GBE1: variants seen among roughly 807,000 people sequenced by gnomAD.
GBE1 encodes the protein 1,4-alpha-glucan branching enzyme 1.
A neutral mutation model predicts 88.8 loss-of-function variants in GBE1; 70 were observed. The ratio of observed to expected loss-of-function variants is 0.79; its 90% CI spans 0.65 to 0.96. The LOEUF (loss-of-function observed/expected upper bound fraction) is 0.96. Ranked by LOEUF, GBE1 falls within the 40% of genes least tolerant of loss-of-function variation. The pLI, the probability that GBE1 is intolerant of heterozygous loss-of-function variation, is 0.00. For missense variants in GBE1, 872 were observed against 871.0 expected (o/e 1.00, Z -0.01); for synonymous variants, 284 against 300.1 (o/e 0.95, Z 0.56).
chr3:81,671,875 C>T (rs181438158), intron 2 of GBE1, among the ~76,000 whole-genome samples: 2 of 151,844 alleles, frequency 1.3e-5, no homozygotes, highest in African/African-American at 4.8e-5. Flanking sequence ...ACAAGACAAG[C>T]TATAAATTGG....
chr3:81,502,170 C>CA (rs966717956), intron 14 of GBE1, among the ~76,000 whole-genome samples: 7 of 151,888 alleles, frequency 4.6e-5, no homozygotes, highest in African/African-American at 1.7e-4. Context: ...CTTCACACAC[C>CA]AAAAAATGCA....
intron 1 of GBE1, among the ~76,000 whole-genome samples, chr3:81,737,402 T>TA: frequency 3.1e-5 from 1 of 32,726 alleles, no homozygotes; most frequent in South Asian, 5.6e-4. Flanking sequence ...TATAAATATA[T>TA]TTTTATATAT....
chr3:81,505,517 G>T (rs1576123811), intron 14 of GBE1, among the ~76,000 whole-genome samples: 1 of 152,018 alleles, frequency 6.6e-6, no homozygotes, highest in East Asian at 1.9e-4. Flanking sequence ...AAAACCTAAG[G>T]TTATAGCTAT....
intron 1 of GBE1, 93 bp from the exon 2 acceptor site, chr3:81,705,706 G>A: frequency 2.6e-5 from 18 of 702,648 alleles, no homozygotes; most frequent in South Asian, 1.3e-4. Flanking sequence ...TCTTATTCAG[G>A]GAAAAAAAGA....
chr3:81,501,587 T>C (rs1203722475), intron 14 of GBE1, among the ~76,000 whole-genome samples: 1 of 151,966 alleles, frequency 6.6e-6, no homozygotes, highest in Non-Finnish European at 1.5e-5. Context: ...ATGAACACTT[T>C]CATTTTAGTC....
intron 7 of GBE1, among the ~76,000 whole-genome samples, chr3:81,641,795 T>C (rs1704682482): frequency 1.3e-5 from 2 of 151,842 alleles, no homozygotes; most frequent in Non-Finnish European, 2.9e-5. Flanking sequence ...TATAAAATTA[T>C]TTGCTGAGAC....
rs780431086 is a variant in GBE1, at chr3:81,593,953, G to A, written c.1063C>T (p.Arg355Cys). ...AGCATGGACGTAACACCATCAAAAC[G>A]AAATCCATCAAAGCGATATTCTTCC... ...WLEEYRFDGF[R>C]FDGVTSMLYH... Residue 355 changes from arginine to cysteine, a missense_variant, in exon 8 of 16, where the codon CGT becomes TGT. Coordinates refer to ENST00000429644, the MANE Select transcript of GBE1 (RefSeq NM_000158.4). The A allele has an allele frequency of 2.1e-5, 34 of 1,585,606 alleles. No individual in the cohort carries two copies. Among genetic ancestry groups the A allele is most frequent in the Admixed American group, 1.1e-4 (6 of 56,316 alleles).
intron 14 of GBE1, among the ~76,000 whole-genome samples, chr3:81,505,335 T>TA (rs1702639714): frequency 6.6e-6 from 1 of 152,340 alleles, no homozygotes; most frequent in African/African-American, 2.4e-5. Flanking sequence ...AATGGAAATG[T>TA]AAACAAATGT....
At chr3:81,597,482 AATAT>A (rs60557493) in intron 7 of GBE1, among the ~76,000 whole-genome samples, 2,077 of 137,766 alleles carry the variant, frequency 0.015, 40 homozygotes, top group African/African-American at 0.044. Context: ...TATATCTCAA[AATAT>A]ATATATATAT....
rs998698432 is a variant in GBE1 at position 81,669,145 on chromosome 3, G to A, written c.429+1693C>T. 3.3e-5 allele frequency among the ~76,000 whole-genome samples: 5 copies of A among 152,050 alleles called. No homozygotes were observed. In the East Asian group the frequency reaches 7.7e-4, roughly 23 times the overall value. ...TCCACTATGATTGGGAACTTTCCTC[G>A]GCTTCAACTAGAACATTTGAGGGTC... On this transcript the variant is annotated intron_variant, in intron 3 of 15. Coordinates refer to ENST00000429644, the MANE Select transcript of GBE1 (RefSeq NM_000158.4).
intron 1 of GBE1, among the ~76,000 whole-genome samples, chr3:81,722,708 T>A (rs1006499533): frequency 1.3e-5 from 2 of 151,726 alleles, no homozygotes; most frequent in Non-Finnish European, 2.9e-5. Context: ...ATAACTGTCC[T>A]AATCCAAAAT....
At chr3:81,737,606 G>A (rs1706285621) in intron 1 of GBE1, among the ~76,000 whole-genome samples, 1 of 151,132 alleles carries the variant, frequency 6.6e-6, no homozygotes, top group African/African-American at 2.4e-5. Context: ...CAGTTTTACA[G>A]AGAATTTTTG....
intron 4 of GBE1, 72 bp downstream of exon 4, chr3:81,649,724 G>A (rs917400205): frequency 3.8e-6 from 5 of 1,302,716 alleles, no homozygotes; most frequent in Non-Finnish European, 5.3e-6. Context: ...TACTATAAAA[G>A]TTATAAAAGT....
intron 3 of GBE1, among the ~76,000 whole-genome samples, chr3:81,666,681 G>C (rs1705118002): frequency 1.3e-5 from 2 of 152,128 alleles, no homozygotes; most frequent in Admixed American, 6.6e-5. Flanking sequence ...CAACCAAAAT[G>C]CCATGCCTTG....
At chr3:81,493,267 C>G (rs1702459869) in intron 15 of GBE1, among the ~76,000 whole-genome samples, 1 of 152,054 alleles carries the variant, frequency 6.6e-6, no homozygotes, top group Non-Finnish European at 1.5e-5. Context: ...TAAAAAGACC[C>G]TGATAAGTCC....
chr3:81,674,025 T>C (rs936501221), intron 2 of GBE1, among the ~76,000 whole-genome samples: 3 of 151,906 alleles, frequency 2.0e-5, no homozygotes, highest in African/African-American at 4.8e-5. Context: ...CAAGCATATA[T>C]GTATGAAACT....
intron 12 of GBE1, among the ~76,000 whole-genome samples, chr3:81,558,148 G>T (rs1157952523): frequency 6.6e-6 from 1 of 152,096 alleles, no homozygotes; most frequent in East Asian, 1.9e-4. Flanking sequence ...TTCTCAATTT[G>T]TAAAGTATGT....
intron 3 of GBE1, among the ~76,000 whole-genome samples, chr3:81,658,535 A>G (rs1203434737): frequency 6.6e-6 from 1 of 152,196 alleles, no homozygotes; most frequent in African/African-American, 2.4e-5. Flanking sequence ...GTCCTGACTT[A>G]GAATGATTTA....
chr3:81,669,979 TAAC>T (rs1475884379), intron 3 of GBE1, among the ~76,000 whole-genome samples: 1 of 152,270 alleles, frequency 6.6e-6, no homozygotes, highest in East Asian at 1.9e-4. Flanking sequence ...TATTGTTAAA[TAAC>T]AAATACCAAT....
Sources: gnomAD v4.1 joint callset for allele counts (sites outside exome capture counted in the v4.1 genomes callset) on GRCh38, gnomAD v4.1.1 for gene constraint, MANE v1.5 for transcripts, NCBI Gene and HGNC (gene_info 2026-07-23, HGNC 2026-07-21) for gene names.